Variants in BATF observed in about 807,000 individuals in gnomAD.
BATF encodes the protein basic leucine zipper transcriptional factor ATF-like.
Under a neutral mutation model 13.7 loss-of-function variants are expected in BATF, and 5 were observed. That is an observed-to-expected ratio of 0.36 (90% CI 0.19 to 0.77). BATF has a LOEUF of 0.77. BATF is among the 30% of genes least tolerant of loss of function. BATF has a pLI of 0.51. For missense variants in BATF, 124 were observed against 163.0 expected (o/e 0.76, Z 1.30); for synonymous variants, 72 against 67.5 (o/e 1.07, Z -0.33).
chr14:75,542,573 G>A (rs150548373), intron 2 of BATF, among the ~76,000 whole-genome samples: 1 of 152,338 alleles, frequency 6.6e-6, no homozygotes, highest in East Asian at 1.9e-4. Context: ...CCCCAAGGAG[G>A]GCCAGAGGGG....
chr14:75,539,763 A>T (rs917259515), intron 2 of BATF, among the ~76,000 whole-genome samples: 3 of 152,092 alleles, frequency 2.0e-5, no homozygotes, highest in Non-Finnish European at 2.9e-5. Context: ...TGGTTTGGTG[A>T]TTCTTCTTCT....
chr14:75,522,929 C>T (rs1887594847), intron 1 of BATF, among the ~76,000 whole-genome samples, 184 bp downstream of exon 1: 1 of 152,196 alleles, frequency 6.6e-6, no homozygotes, highest in Admixed American at 6.5e-5. Context: ...GATCCTCATC[C>T]TTCCACCCAT....
chr14:75,535,618 C>G lies in BATF; in HGVS notation c.168+10430C>G, dbSNP rs569062053. Reference sequence around the variant, plus strand: ...TACAAAGAGACAATATTACTGAGCTCGAATTTGGGGATCAGGTTTTGGTAG... The same window carrying G: ...TACAAAGAGACAATATTACTGAGCTGGAATTTGGGGATCAGGTTTTGGTAG... On this transcript the variant is annotated intron_variant, in intron 2 of 2. Coordinates refer to ENST00000286639, the MANE Select transcript of BATF (RefSeq NM_006399.5). Among the ~76,000 whole-genome samples, 11 of 152,198 alleles carry G rather than the reference C, an allele frequency of 7.2e-5. No homozygotes were observed. The South Asian group carries it at 2.1e-3, about 29-fold the overall frequency.
At chr14:75,524,952 G>C in intron 1 of BATF, 132 bp from the exon 2 acceptor site, 1 of 685,190 alleles carries the variant, frequency 1.5e-6, no homozygotes, top group Middle Eastern at 3.3e-4. Flanking sequence ...TTGGTAAATA[G>C]AGGGATGGAG....
rs1887708727 is a variant in BATF, at chr14:75,529,929, T to TGGC, written c.168+4744_168+4746dup. On this transcript the variant is annotated intron_variant, in intron 2 of 2. Coordinates refer to ENST00000286639, the MANE Select transcript of BATF (RefSeq NM_006399.5). ...AATACAAAAAATTAGCCAGGCGTGG[T>TGGC]GGCGGGTGCCTGTAGTCCCAGCTAC... 2.0e-5 allele frequency among the ~76,000 whole-genome samples: 3 copies of TGGC among 151,964 alleles called. No homozygotes were observed. The South Asian group carries it at 6.2e-4, about 32-fold the overall frequency.
intron 2 of BATF, among the ~76,000 whole-genome samples, chr14:75,540,399 G>A (rs926057301): frequency 1.3e-5 from 2 of 152,198 alleles, no homozygotes; most frequent in African/African-American, 4.8e-5. Context: ...TGCGGTTCAT[G>A]GTAGAGGTAG....
chr14:75,543,464 C>G (rs1011400206), intron 2 of BATF, among the ~76,000 whole-genome samples: 1 of 152,092 alleles, frequency 6.6e-6, no homozygotes, highest in Non-Finnish European at 1.5e-5. Flanking sequence ...TTAGAAAGAC[C>G]CCCCCCAGGA....
intron 2 of BATF, among the ~76,000 whole-genome samples, chr14:75,533,163 T>C (rs1244113095): frequency 6.6e-6 from 1 of 152,090 alleles, no homozygotes; most frequent in Non-Finnish European, 1.5e-5. Context: ...ATGCTGGTGT[T>C]GATGCTGTAA....
Position 75,546,773 on chromosome 14 carries a change from C to T in BATF, c.*102C>T. 1.6e-5 allele frequency: 22 copies of T among 1,366,818 alleles called. No individual in the cohort carries two copies. The highest frequency in any genetic ancestry group is 2.5e-5 in the East Asian group (1 of 39,818). 84.7% of individuals were successfully genotyped at this position (1,366,818 alleles called of 1,614,324 possible). A position where few individuals can be genotyped will look rare whatever the true frequency, so the allele number is the denominator to read the frequency against. On this transcript the variant is annotated 3_prime_UTR_variant, in exon 3 of 3. Transcript: ENST00000286639. ...CCCTGTCCACCTGGAGACCCGGAGACAGAGGCCTGGACAAGGAGTGAACAC... is the reference window on the plus strand; with the variant it reads ...CCCTGTCCACCTGGAGACCCGGAGATAGAGGCCTGGACAAGGAGTGAACAC...
At chr14:75,537,404 G>C (rs950500317) in intron 2 of BATF, among the ~76,000 whole-genome samples, 1 of 152,136 alleles carries the variant, frequency 6.6e-6, no homozygotes, top group Non-Finnish European at 1.5e-5. Flanking sequence ...CTTCTTCATA[G>C]GCACATCTCA....
intron 2 of BATF, among the ~76,000 whole-genome samples, chr14:75,532,751 A>C (rs1253113026): frequency 1.1e-4 from 16 of 152,250 alleles, no homozygotes; most frequent in Admixed American, 1.0e-3. Flanking sequence ...GATTATGTAG[A>C]TCTGTATTTA....
intron 2 of BATF, among the ~76,000 whole-genome samples, chr14:75,532,527 T>C (rs952844193): frequency 6.6e-5 from 10 of 152,216 alleles, no homozygotes; most frequent in African/African-American, 2.2e-4. Context: ...GAGAAGTCTG[T>C]GTAGCAATAA....
At chr14:75,523,206 G>GT (rs1473760788) in intron 1 of BATF, among the ~76,000 whole-genome samples, 1 of 59,240 alleles carries the variant, frequency 1.7e-5, no homozygotes, top group Non-Finnish European at 3.4e-5. Context: ...TTAGGGAAAA[G>GT]TTAAAAAAAA....
At chr14:75,530,351 A>C (rs920228724) in intron 2 of BATF, among the ~76,000 whole-genome samples, 1 of 152,150 alleles carries the variant, frequency 6.6e-6, no homozygotes, top group Non-Finnish European at 1.5e-5. Context: ...ATAGGTGCAC[A>C]TACCCTGCGA....
At chr14:75,529,050 TC>T (rs1279896879) in intron 2 of BATF, among the ~76,000 whole-genome samples, 4 of 152,114 alleles carry the variant, frequency 2.6e-5, no homozygotes, top group Non-Finnish European at 4.4e-5. Context: ...TTTAATGAGA[TC>T]CCAATAAAAA....
intron 2 of BATF, among the ~76,000 whole-genome samples, chr14:75,545,177 G>A (rs948534585): frequency 2.0e-5 from 3 of 152,034 alleles, no homozygotes; most frequent in Admixed American, 6.6e-5. Flanking sequence ...GGAACAAAAC[G>A]TTGTAGCAGA....
At chr14:75,532,961 G>A (rs1416447639) in intron 2 of BATF, among the ~76,000 whole-genome samples, 1 of 152,102 alleles carries the variant, frequency 6.6e-6, no homozygotes, top group Non-Finnish European at 1.5e-5. Context: ...CTTATTCTTG[G>A]TACTTTTCTC....
intron 1 of BATF, 48 bp downstream of exon 1, chr14:75,522,793 A>G (rs1887591747): frequency 6.2e-7 from 1 of 1,608,486 alleles, no homozygotes; most frequent in African/African-American, 1.3e-5. Flanking sequence ...CTCCTGGGGG[A>G]TGGAAAGAGA....
rs578053923 is a variant in BATF, at chr14:75,526,279, C to T, written c.168+1091C>T. On this transcript the variant is annotated intron_variant, in intron 2 of 2. Transcript: ENST00000286639. Reference sequence around the variant, plus strand: ...TATGGTTCTTGTTCAACCAACTCTTCACTAGTTCCTTTCTCTCCATCCCCT... The same window carrying T: ...TATGGTTCTTGTTCAACCAACTCTTTACTAGTTCCTTTCTCTCCATCCCCT... Among the ~76,000 whole-genome samples, 3 of 152,342 alleles carry T rather than the reference C, an allele frequency of 2.0e-5. No homozygotes were observed. The South Asian group carries it at 6.2e-4, about 32-fold the overall frequency.
Sources: allele counts gnomAD v4.1 joint callset (sites outside exome capture counted in the v4.1 genomes callset), GRCh38; gene constraint gnomAD v4.1.1; transcripts MANE v1.5; gene names NCBI Gene and HGNC (gene_info 2026-07-23, HGNC 2026-07-21).